Variants in DNAH8 observed in about 807,000 individuals in gnomAD.
DNAH8 encodes axonemal beta dynein heavy chain 8.
A neutral mutation model predicts 562.1 loss-of-function variants in DNAH8; 382 were observed. That is an observed-to-expected ratio of 0.68 (90% CI 0.63 to 0.74). The LOEUF (loss-of-function observed/expected upper bound fraction) is 0.74. DNAH8 is among the 30% of genes least tolerant of loss of function. DNAH8 has a pLI of 0.00. For missense variants in DNAH8, 5,203 were observed against 5,620.4 expected, an observed-to-expected ratio of 0.93 and a Z score of 2.37; for synonymous variants, 1,881 against 1,919.4, an observed-to-expected ratio of 0.98 and a Z score of 0.52.
intron 43 of DNAH8, 23 bp downstream of exon 43, chr6:38,860,652 T>TA: frequency 6.8e-7 from 1 of 1,477,584 alleles, no homozygotes; most frequent in Non-Finnish European, 9.0e-7. Flanking sequence ...GTTTTCGTTT[T>TA]TTATTTTGTA....
intron 1 of DNAH8, among the ~76,000 whole-genome samples, chr6:38,715,825 G>C (rs1762233096): frequency 7.2e-6 from 1 of 138,956 alleles, no homozygotes; most frequent in South Asian, 2.3e-4. Context: ...TATGCTACCT[G>C]GATGACCCTG....
intron 82 of DNAH8, among the ~76,000 whole-genome samples, chr6:38,952,752 G>A (rs1762005359): frequency 6.6e-6 from 1 of 152,168 alleles, no homozygotes; most frequent in African/African-American, 2.4e-5. Flanking sequence ...GTGGATCAGT[G>A]TTCAAATGGC....
chr6:38,746,287 A>T (rs1320527375), intron 8 of DNAH8, among the ~76,000 whole-genome samples: 2 of 152,176 alleles, frequency 1.3e-5, no homozygotes, highest in Non-Finnish European at 2.9e-5. Context: ...CTCTTTGGCC[A>T]TCGGGAAATC....
chr6:38,826,452 A>T lies in DNAH8; in HGVS notation c.4083+61A>T, dbSNP rs1184051534. ...TTTTTTGTTTTTTAAAGAAATAGAGACACACTAAGAAAGTGATTCTTTAAC... is the reference window on the plus strand; with the variant it reads ...TTTTTTGTTTTTTAAAGAAATAGAGTCACACTAAGAAAGTGATTCTTTAAC... On this transcript the variant is annotated intron_variant, in intron 29 of 92. Coordinates refer to ENST00000327475, the MANE Select transcript of DNAH8 (RefSeq NM_001206927.2). 4 of 1,025,100 alleles carry T rather than the reference A, an allele frequency of 3.9e-6. No homozygotes were observed. In the African/African-American group the frequency reaches 6.4e-5, roughly 17 times the overall value. The allele number at this position is 1,025,100 out of a possible 1,614,324, so 63.5% of individuals were successfully genotyped here. A position where few individuals can be genotyped will look rare whatever the true frequency, so the allele number is the denominator to read the frequency against.
At chr6:38,923,002 G>A (rs545233164) in intron 71 of DNAH8, 56 bp from the exon 72 acceptor site, 1 of 1,558,586 alleles carries the variant, frequency 6.4e-7, no homozygotes, top group East Asian at 2.3e-5. Flanking sequence ...TATAATGGAT[G>A]TTTGTGTTAA....
chr6:38,762,815 A>G (rs1766648554), intron 11 of DNAH8: 1 of 179,614 alleles, frequency 5.6e-6, no homozygotes, highest in Non-Finnish European at 1.1e-5. Context: ...CCAGGATGGG[A>G]ACCATTATTC....
rs145797981 is a variant in DNAH8 at position 38,971,533 on chromosome 6, A to G, written c.12452-59A>G. On this transcript the variant is annotated intron_variant, in intron 82 of 92. Transcript: ENST00000327475. Reference sequence around the variant, plus strand: ...ATAATCATTCAGAAATTAATTTTTCATTCTAATCCTGCTGTAAGAGTTGTG... The same window carrying G: ...ATAATCATTCAGAAATTAATTTTTCGTTCTAATCCTGCTGTAAGAGTTGTG... 1.0e-3 allele frequency: 1,079 copies of G among 1,084,226 alleles called. 11 individuals carry two copies. In the African/African-American group the frequency reaches 0.015, roughly 15 times the overall value. The allele number at this position is 1,084,226 out of a possible 1,614,324, so 67.2% of individuals were successfully genotyped here.
intron 76 of DNAH8, among the ~76,000 whole-genome samples, chr6:38,932,707 G>A (rs1782648996): frequency 6.6e-6 from 1 of 152,118 alleles, no homozygotes; most frequent in African/African-American, 2.4e-5. Flanking sequence ...AGAGCAGCAA[G>A]GCATGAAGTG....
chr6:38,725,336 T>TAATAATAAA (rs1283259746), intron 3 of DNAH8, among the ~76,000 whole-genome samples: 11 of 148,966 alleles, frequency 7.4e-5, no homozygotes, highest in Non-Finnish European at 1.3e-4. Flanking sequence ...ATAATAATAA[T>TAATAATAAA]AAAGAGCTAC....
At position 38,971,700 on chromosome 6, in the gene DNAH8, A is replaced by G. The variant is rs113798047; in HGVS notation, c.12525+35A>G. The G allele has an allele frequency of 7.4e-4, 1,098 of 1,490,286 alleles. 9 individuals carry two copies. In the African/African-American group the frequency reaches 0.012, roughly 16 times the overall value. The allele number at this position is 1,490,286 out of a possible 1,614,324, so 92.3% of individuals were successfully genotyped here. On this transcript the variant is annotated intron_variant, in intron 83 of 92. Coordinates refer to ENST00000327475, the MANE Select transcript of DNAH8 (RefSeq NM_001206927.2). ...AAGAGACTGCTCCTGCTGCAACATT[A>G]TTGCTAGAAACCCCACAATCATGGA... is the stretch of plus-strand genomic sequence containing the variant.
chr6:38,853,967 TAAAA>T (rs375525499), intron 41 of DNAH8, among the ~76,000 whole-genome samples: 1 of 151,760 alleles, frequency 6.6e-6, no homozygotes, highest in East Asian at 1.9e-4. Context: ...TGTCGTAAAG[TAAAA>T]AAAATTTTTA....
chr6:38,727,996 C>A (rs1265975668), intron 3 of DNAH8, among the ~76,000 whole-genome samples: 1 of 152,032 alleles, frequency 6.6e-6, no homozygotes, highest in African/African-American at 2.4e-5. Context: ...GACAGACTGT[C>A]GCTCTGTTGC....
At chr6:38,864,183 C>T (rs370292048) in intron 45 of DNAH8, 123 bp downstream of exon 45, 30 of 867,208 alleles carry the variant, frequency 3.5e-5, no homozygotes, top group Middle Eastern at 3.5e-4. Context: ...TCTCTCTTAC[C>T]ATATGATTTT....
At chr6:38,824,837 C>T (rs1380379203) in intron 28 of DNAH8, among the ~76,000 whole-genome samples, 1 of 151,832 alleles carries the variant, frequency 6.6e-6, no homozygotes, top group African/African-American at 2.4e-5. Context: ...ACTTGTGATT[C>T]TCTGAGGAAG....
In DNAH8 at chr6:38,883,325, G is replaced by C. The variant is rs1482469083; in HGVS notation, c.8005G>C (p.Val2669Leu). ...CACTATTATCCTATGATTGCAGGCT[G>C]TTTTGCTCACAGGAGAGCAGGGAAC... ...IDTIAKQHKA[V>L]LLTGEQGTAK... is the part of the protein sequence containing the mutation. The change falls in exon 55 of 93, where the codon GTT (valine) becomes CTT (leucine). Residue 2669 changes from valine to leucine, a missense_variant. Physicochemically the swap from Val to Leu is conservative, Grantham distance 32. Around this residue, in one of 6 missense-constraint regions of DNAH8, gnomAD observed 977 missense variants for 1,061.8 expected, o/e 0.92. Coordinates refer to ENST00000327475, the MANE Select transcript of DNAH8 (RefSeq NM_001206927.2). 4 of 1,606,188 alleles carry C rather than the reference G, an allele frequency of 2.5e-6. No individual in the cohort carries two copies. In the East Asian group the frequency reaches 9.0e-5, roughly 36 times the overall value.
At chr6:38,886,629 T>C (rs1298015990) in intron 56 of DNAH8, among the ~76,000 whole-genome samples, 162 bp from the exon 57 acceptor site, 1 of 152,258 alleles carries the variant, frequency 6.6e-6, no homozygotes, top group Non-Finnish European at 1.5e-5. Context: ...ATGGGTGACA[T>C]CATTTAAGTC....
At chr6:38,879,902 A>G (rs1184449799) in intron 53 of DNAH8, among the ~76,000 whole-genome samples, 3 of 152,216 alleles carry the variant, frequency 2.0e-5, no homozygotes, top group African/African-American at 7.2e-5. Context: ...TATGCTCACA[A>G]CAAACAGTTG....
intron 82 of DNAH8, among the ~76,000 whole-genome samples, chr6:38,953,884 G>C (rs1762080726): frequency 6.6e-6 from 1 of 151,008 alleles, no homozygotes; most frequent in African/African-American, 2.4e-5. Context: ...CTATGGTCTG[G>C]AGATAAGGCC....
chr6:38,766,778 G>A (rs1562707119), intron 11 of DNAH8, among the ~76,000 whole-genome samples: 1 of 151,792 alleles, frequency 6.6e-6, no homozygotes, highest in East Asian at 1.9e-4. Flanking sequence ...ATTTCACAAT[G>A]TATACATCTT....
Sources: gnomAD v4.1 joint callset for allele counts (sites outside exome capture counted in the v4.1 genomes callset) on GRCh38, gnomAD v4.1.1 for gene constraint, gnomAD v4.1.1 regional missense constraint, MANE v1.5 for transcripts, NCBI Gene and HGNC (gene_info 2026-07-23, HGNC 2026-07-21) for gene names.